UPP2: variants seen among roughly 807,000 people sequenced by gnomAD.
UPP2 encodes the protein uridine phosphorylase 2, also known as UPase 2.
Under a neutral mutation model 26.7 loss-of-function variants are expected in UPP2, and 23 were observed. The ratio of observed to expected loss-of-function variants is 0.86; its 90% CI spans 0.62 to 1.22. The LOEUF is 1.22. UPP2 is among the 50% of genes most tolerant of loss of function. The probability of loss-of-function intolerance (pLI) is 0.00; values close to 1 mark genes in which losing one functional copy is unlikely to be tolerated. For synonymous variants in UPP2, 127 were observed against 141.3 expected, an observed-to-expected ratio of 0.90 and a Z score of 0.72; for missense variants, 387 against 396.7, an observed-to-expected ratio of 0.98 and a Z score of 0.21.
chr2:158,071,829 G>C (rs921191224), intron 3 of UPP2, among the ~76,000 whole-genome samples: 2 of 152,132 alleles, frequency 1.3e-5, no homozygotes, highest in African/African-American at 4.8e-5. Context: ...GTGACACTAA[G>C]GTAGTATGCA....
intron 3 of UPP2, among the ~76,000 whole-genome samples, chr2:158,078,633 G>T (rs577614742): frequency 6.6e-6 from 1 of 152,268 alleles, no homozygotes; most frequent in Non-Finnish European, 1.5e-5. Context: ...AGGCTGGGAA[G>T]AGTAGCAGGG....
At position 158,068,688 on chromosome 2, in the gene UPP2, A is replaced by C. The variant is rs571176429; in HGVS notation, c.148-33352A>C. The stretch of plus-strand genomic sequence containing the variant: ...TATATTTGTATGAAGTTTGCTGCTG[A>C]GCTTAAGATCCTATGGAGTTACTGA... On this transcript the variant is annotated intron_variant, in intron 3 of 9. Transcript: ENST00000605860. 3.2e-3 allele frequency among the ~76,000 whole-genome samples: 460 copies of C among 144,220 alleles called. 3 individuals carry two copies. The highest frequency in any genetic ancestry group is 0.011 in the African/African-American group (439 of 38,842). The allele number at this position is 144,220 out of a possible 152,430, so 94.6% of individuals were successfully genotyped here.
chr2:158,112,192 C>T lies in UPP2; in HGVS notation c.181-2909C>T, dbSNP rs371146866. Among the ~76,000 whole-genome samples the T allele has an allele frequency of 1.0e-3, 157 of 152,218 alleles. 4 individuals carry two copies. In the South Asian group the frequency reaches 0.023, roughly 23 times the overall value. ...GAAAAAAGTTGGAGGACTCGCACTT[C>T]CCAACTTCAAAACTTATTACAAAGT... is the stretch of plus-strand genomic sequence containing the variant. On this transcript the variant is annotated intron_variant, in intron 2 of 6. Transcript: ENST00000005756.
chr2:158,057,281 C>CA (rs1682261934), intron 3 of UPP2, among the ~76,000 whole-genome samples: 1 of 152,186 alleles, frequency 6.6e-6, no homozygotes, highest in South Asian at 2.1e-4. Flanking sequence ...GCACAGCCCG[C>CA]ACCTAAGGAG....
intron 6 of UPP2, chr2:158,127,988 C>A (rs1009968942): frequency 2.7e-5 from 27 of 985,246 alleles, no homozygotes; most frequent in Middle Eastern, 5.2e-4. Context: ...AATTAAGCCC[C>A]AAACATTCTG....
At chr2:158,035,247 T>C (rs1023083678) in intron 3 of UPP2, among the ~76,000 whole-genome samples, 1 of 151,362 alleles carries the variant, frequency 6.6e-6, no homozygotes, top group African/African-American at 2.4e-5. Context: ...AACCTCCGCC[T>C]CCTGGGTTCA....
chr2:158,103,100 T>C (rs1683109059), intron 1 of UPP2, among the ~76,000 whole-genome samples: 1 of 152,194 alleles, frequency 6.6e-6, no homozygotes, highest in South Asian at 2.1e-4. Context: ...AAAAATCAAA[T>C]ATTCCAAAAA....
chr2:158,044,085 A>G (rs891975650), intron 3 of UPP2, among the ~76,000 whole-genome samples: 1 of 152,234 alleles, frequency 6.6e-6, no homozygotes, highest in Non-Finnish European at 1.5e-5. Context: ...TAAGCTCTAA[A>G]GTAGCATGGC....
At chr2:158,098,377 TAGG>T (rs1237801131), upstream of UPP2, among the ~76,000 whole-genome samples, 2 of 152,084 alleles carry the variant, frequency 1.3e-5, no homozygotes, top group Non-Finnish European at 2.9e-5. Flanking sequence ...TGTGATTCTC[TAGG>T]AGAATTTCCA....
chr2:158,050,076 A>T (rs1682123446), intron 3 of UPP2, among the ~76,000 whole-genome samples: 1 of 152,322 alleles, frequency 6.6e-6, no homozygotes, highest in Admixed American at 6.5e-5. Flanking sequence ...AGTTCTCAAA[A>T]TATTAAGAGT....
At chr2:158,125,572 C>G (rs749159317) in intron 6 of UPP2, among the ~76,000 whole-genome samples, 8 of 152,170 alleles carry the variant, frequency 5.3e-5, no homozygotes, top group Non-Finnish European at 1.2e-4. Flanking sequence ...CAAGCTTGTG[C>G]CACCATGCCC....
chr2:158,035,837 G>A (rs994912030), intron 3 of UPP2, among the ~76,000 whole-genome samples: 3 of 152,198 alleles, frequency 2.0e-5, no homozygotes, highest in Admixed American at 2.0e-4. Context: ...AAATACACAA[G>A]GGTTGAAACC....
intron 3 of UPP2, among the ~76,000 whole-genome samples, chr2:158,032,331 T>G (rs888834910): frequency 2.0e-5 from 3 of 152,106 alleles, no homozygotes; most frequent in African/African-American, 7.2e-5. Flanking sequence ...AGGGATGCCA[T>G]GTAGGGGACC....
At chr2:158,131,522 T>G (rs1558943281) in intron 6 of UPP2, among the ~76,000 whole-genome samples, 1 of 152,154 alleles carries the variant, frequency 6.6e-6, no homozygotes, top group African/African-American at 2.4e-5. Flanking sequence ...ATTAGGACTT[T>G]CATCAGATTT....
intron 3 of UPP2, among the ~76,000 whole-genome samples, chr2:158,039,950 G>T (rs1218137019): frequency 6.6e-6 from 1 of 152,218 alleles, no homozygotes; most frequent in African/African-American, 2.4e-5. Context: ...TTGCTTGTGT[G>T]CAGGGCTGTG....
At chr2:158,009,417 A>G (rs1004229693) in intron 2 of UPP2, among the ~76,000 whole-genome samples, 2 of 152,222 alleles carry the variant, frequency 1.3e-5, no homozygotes, top group Non-Finnish European at 2.9e-5. Flanking sequence ...TTACATAGAC[A>G]TCTAATGTCC....
chr2:158,032,016 G>C (rs1683928674), intron 3 of UPP2, among the ~76,000 whole-genome samples: 1 of 152,104 alleles, frequency 6.6e-6, no homozygotes. Flanking sequence ...ACTTTCATGA[G>C]AGACTCTGGA....
chr2:158,058,345 G>A (rs572144512), intron 3 of UPP2, among the ~76,000 whole-genome samples: 29 of 135,526 alleles, frequency 2.1e-4, no homozygotes, highest in African/African-American at 7.5e-4. Flanking sequence ...AAGAAGAGAC[G>A]CAAGGGAGCA....
chr2:158,058,304 AAAAAAAAAAAAAAAAAAAAAGAAG>A (rs1408150297), intron 3 of UPP2, among the ~76,000 whole-genome samples: 2 of 14,418 alleles, frequency 1.4e-4, no homozygotes, highest in Non-Finnish European at 3.1e-4. Context: ...AAAAAAAAAA[AAAAAAAAAAAAAAAAAAAAAGAAG>A]AAGAAGAAGA....
Sources: allele counts gnomAD v4.1 joint callset (sites outside exome capture counted in the v4.1 genomes callset), GRCh38; gene constraint gnomAD v4.1.1; transcripts MANE v1.5; gene names NCBI Gene and HGNC (gene_info 2026-07-23, HGNC 2026-07-21).